LRPPRC: variants seen among roughly 807,000 people sequenced by gnomAD.
LRPPRC encodes leucine-rich PPR motif-containing protein, mitochondrial.
In LRPPRC, 120 loss-of-function variants were observed where a neutral mutation model predicts 180.3. That is an observed-to-expected ratio of 0.67 (90% CI 0.57 to 0.77). The LOEUF is 0.77. Among genes scored for constraint, LRPPRC ranks in the 30% least tolerant of loss-of-function variants. The pLI is 0.00. For missense variants in LRPPRC, 2,012 were observed against 1,657.2 expected (o/e 1.21, Z -3.72); for synonymous variants, 723 against 600.0 (o/e 1.21, Z -3.00).
Position 43,982,433 on chromosome 2 carries a change from C to G in LRPPRC, c.151G>C (p.Gly51Arg), listed in dbSNP as rs199606252. The change falls in exon 2 of 38, where the codon GGA becomes CGA. Residue 51 changes from glycine to arginine, a missense_variant and splice_region_variant. Gly to Arg is a moderately radical substitution (Grantham distance 125). Transcript: ENST00000260665. ...TACAGCCTGGCTGGGCTCAGTAGTCCTCTAAAAAATGAAACATAATTAATA... is the reference window on the plus strand; with the variant it reads ...TACAGCCTGGCTGGGCTCAGTAGTCGTCTAAAAAATGAAACATAATTAATA... ...PAARAGPVAG[G>R]LLSPARLYAI... The G allele has an allele frequency of 2.8e-4, 452 of 1,610,260 alleles. No homozygotes were observed. Among genetic ancestry groups the G allele is most frequent in the Non-Finnish European group, 3.7e-4 (433 of 1,176,864 alleles).
intron 29 of LRPPRC, among the ~76,000 whole-genome samples, chr2:43,915,515 C>G (rs1160931240): frequency 1.3e-5 from 2 of 151,768 alleles, no homozygotes; most frequent in Admixed American, 6.6e-5. Context: ...GAAACCCTGT[C>G]TCTACTAAAA....
intron 35 of LRPPRC, among the ~76,000 whole-genome samples, chr2:43,895,240 C>A (rs1176302607): frequency 6.6e-6 from 1 of 152,202 alleles, no homozygotes; most frequent in Non-Finnish European, 1.5e-5. Context: ...TCTATGCCCT[C>A]TTCCCATCTC....
intron 3 of LRPPRC, among the ~76,000 whole-genome samples, chr2:43,978,194 G>A (rs966118391): frequency 1.2e-4 from 18 of 152,068 alleles, no homozygotes; most frequent in African/African-American, 3.9e-4. Context: ...AGCTCATTCT[G>A]TAATTTTGGA....
intron 29 of LRPPRC, among the ~76,000 whole-genome samples, chr2:43,916,255 G>A (rs1207610341): frequency 6.6e-6 from 1 of 152,040 alleles, no homozygotes; most frequent in Non-Finnish European, 1.5e-5. Context: ...TGGAAAGCTA[G>A]AATGAAAAGA....
chr2:43,989,957 TA>T (rs1166482661), intron 1 of LRPPRC, among the ~76,000 whole-genome samples: 5 of 152,220 alleles, frequency 3.3e-5, no homozygotes, highest in African/African-American at 1.2e-4. Flanking sequence ...CTCATGCCTT[TA>T]ATCCCAGCAC....
At chr2:43,950,856 G>A (rs1352843432) in intron 14 of LRPPRC, among the ~76,000 whole-genome samples, 1 of 152,186 alleles carries the variant, frequency 6.6e-6, no homozygotes. Context: ...GATCACCTGA[G>A]GTCAGGAGTT....
rs1218659492 is a variant in LRPPRC at position 43,982,312 on chromosome 2, T to A, written c.272A>T (p.Asp91Val). 6.2e-7 allele frequency: 1 copy of A among 1,609,664 alleles called. No individual in the cohort carries two copies. Among genetic ancestry groups the A allele is most frequent in the Non-Finnish European group, 8.5e-7 (1 of 1,178,492 alleles). Reference sequence around the variant, plus strand: ...GCGGCCAGTTCTTCGAACAGAAAGATCTAGTCTCATTAGAGCCCAATCAAA... The same window carrying A: ...GCGGCCAGTTCTTCGAACAGAAAGAACTAGTCTCATTAGAGCCCAATCAAA... ...NQFDWALMRL[D>V]LSVRRTGRIP... The change falls in exon 2 of 38, where the codon GAT becomes GTT. Residue 91 changes from aspartate (D) to valine (V), a missense_variant. Asp to Val is a radical substitution (Grantham distance 152). Transcript: ENST00000260665.
intron 27 of LRPPRC, among the ~76,000 whole-genome samples, chr2:43,922,891 C>G (rs1671747689): frequency 6.6e-6 from 1 of 152,136 alleles, no homozygotes. Context: ...CCAGATTATC[C>G]ATTTATAACA....
chr2:43,977,866 G>A (rs1473075979), intron 3 of LRPPRC, among the ~76,000 whole-genome samples: 1 of 152,072 alleles, frequency 6.6e-6, no homozygotes, highest in Non-Finnish European at 1.5e-5. Flanking sequence ...ACTGAGTCAT[G>A]ACATCATGGT....
chr2:43,979,781 A>G, intron 3 of LRPPRC, 45 bp downstream of exon 3: 1 of 1,591,330 alleles, frequency 6.3e-7, no homozygotes, highest in Non-Finnish European at 8.6e-7. Flanking sequence ...AAAAAGAAAA[A>G]ACATCTACAC....
intron 23 of LRPPRC, among the ~76,000 whole-genome samples, chr2:43,937,398 C>T (rs1046414840): frequency 3.9e-5 from 6 of 152,098 alleles, no homozygotes; most frequent in Admixed American, 2.0e-4. Flanking sequence ...TTATCTAATT[C>T]GGACTTGTGG....
chr2:43,923,550 C>A (rs747090392), intron 27 of LRPPRC, among the ~76,000 whole-genome samples: 15 of 152,102 alleles, frequency 9.9e-5, no homozygotes, highest in Non-Finnish European at 1.5e-4. Context: ...GGCTGGCCAC[C>A]TCTCACCTGG....
intron 1 of LRPPRC, among the ~76,000 whole-genome samples, chr2:43,987,110 T>A (rs11124958): frequency 0.4 from 61,107 of 152,002 alleles, 13,208 homozygotes; most frequent in Non-Finnish European, 0.49. Context: ...AAATCCCACT[T>A]GATCACGGTA....
At chr2:43,914,691 C>T (rs758868777) in intron 29 of LRPPRC, among the ~76,000 whole-genome samples, 11 of 151,494 alleles carry the variant, frequency 7.3e-5, no homozygotes, top group Admixed American at 4.6e-4. Context: ...TTTGCGCCAC[C>T]GCACTCCATC....
At chr2:43,994,866 T>C (rs1399359871) in intron 1 of LRPPRC, among the ~76,000 whole-genome samples, 2 of 151,904 alleles carry the variant, frequency 1.3e-5, no homozygotes, top group African/African-American at 2.4e-5. Flanking sequence ...TTTATTCGCC[T>C]ATCTGACACC....
At chr2:43,923,236 T>C (rs1448537358) in intron 27 of LRPPRC, among the ~76,000 whole-genome samples, 4 of 147,644 alleles carry the variant, frequency 2.7e-5, no homozygotes, top group African/African-American at 5.0e-5. Context: ...CCCAGCACTG[T>C]GGAAGGCTGC....
At chr2:43,938,510 A>G (rs1672354575) in intron 23 of LRPPRC, among the ~76,000 whole-genome samples, 1 of 152,204 alleles carries the variant, frequency 6.6e-6, no homozygotes, top group Non-Finnish European at 1.5e-5. Context: ...TCATTCTAGA[A>G]TCTAGAATTC....
chr2:43,908,120 C>T (rs368444916), intron 30 of LRPPRC, among the ~76,000 whole-genome samples: 8 of 152,100 alleles, frequency 5.3e-5, no homozygotes, highest in African/African-American at 1.2e-4. Context: ...CAGAATGATA[C>T]AGGAAGCCAA....
At chr2:43,934,109 T>C in intron 25 of LRPPRC, 81 bp downstream of exon 25, 1 of 794,492 alleles carries the variant, frequency 1.3e-6, no homozygotes, top group Non-Finnish European at 2.2e-6. Context: ...ACAAGTGTAA[T>C]TAAAGGTTAA....
Sources: gnomAD v4.1 joint callset for allele counts (sites outside exome capture counted in the v4.1 genomes callset) on GRCh38, gnomAD v4.1.1 for gene constraint, MANE v1.5 for transcripts, NCBI Gene and HGNC (gene_info 2026-07-23, HGNC 2026-07-21) for gene names.